AVEN: variants seen among roughly 807,000 people sequenced by gnomAD.
The protein encoded by AVEN is apoptosis and caspase activation inhibitor.
A neutral mutation model predicts 38.1 loss-of-function variants in AVEN; 41 were observed. The ratio of observed to expected loss-of-function variants is 1.08; its 90% CI spans 0.84 to 1.40. The LOEUF is 1.40. Ranked by LOEUF, AVEN falls within the 40% of genes most tolerant of loss-of-function variation. The pLI, the probability that AVEN is intolerant of heterozygous loss-of-function variation, is 0.00. For synonymous variants in AVEN, 206 were observed against 171.8 expected, an observed-to-expected ratio of 1.20 and a Z score of -1.56; for missense variants, 605 against 438.8, an observed-to-expected ratio of 1.38 and a Z score of -3.38.
intron 1 of AVEN, among the ~76,000 whole-genome samples, chr15:34,073,955 A>C (rs1900682622): frequency 7.6e-6 from 1 of 132,280 alleles, no homozygotes; most frequent in East Asian, 2.1e-4. Context: ...AAAAACAATT[A>C]CTGTTTGGAG....
At chr15:34,038,653 C>T in intron 1 of AVEN, 127 bp downstream of exon 1, 1 of 883,318 alleles carries the variant, frequency 1.1e-6, no homozygotes, top group Non-Finnish European at 1.4e-6. Flanking sequence ...CCGTCCCGCG[C>T]AGGCGCCGGC....
At chr15:33,865,200 AAACAATATG>A, downstream of AVEN, 1 of 1,613,584 alleles carries the variant, frequency 6.2e-7, no homozygotes, top group South Asian at 1.1e-5. Context: ...CTGCTTTCGT[AAACAATATG>A]AAGATCAGCT....
At chr15:33,982,032 C>CT (rs112770455) in intron 2 of AVEN, among the ~76,000 whole-genome samples, 20,756 of 144,698 alleles carry the variant, frequency 0.14, 2,343 homozygotes, top group African/African-American at 0.31. Flanking sequence ...TGTATTTTTT[C>CT]TTTTTTTTTT....
At chr15:33,961,298 C>T (rs982908001) in intron 2 of AVEN, among the ~76,000 whole-genome samples, 10 of 152,128 alleles carry the variant, frequency 6.6e-5, no homozygotes, top group Admixed American at 6.5e-4. Context: ...CGTGAGCCAC[C>T]ATGCCCAGCC....
intron 1 of AVEN, among the ~76,000 whole-genome samples, chr15:34,003,465 T>A (rs1000114881): frequency 3.3e-5 from 5 of 152,220 alleles, no homozygotes; most frequent in Non-Finnish European, 5.9e-5. Context: ...CTAAAATTTA[T>A]CCCTATGTAT....
At chr15:33,970,537 C>T (rs1306394080) in intron 2 of AVEN, among the ~76,000 whole-genome samples, 1 of 151,964 alleles carries the variant, frequency 6.6e-6, no homozygotes, top group East Asian at 1.9e-4. Context: ...TGAGAAACAG[C>T]TGAACCCTTA....
At chr15:34,055,915 T>C (rs566655169) in intron 5 of AVEN, among the ~76,000 whole-genome samples, 1 of 152,348 alleles carries the variant, frequency 6.6e-6, no homozygotes, top group African/African-American at 2.4e-5. Context: ...GCATATTAAA[T>C]TTTGAGACAC....
Position 33,896,034 on chromosome 15 carries a change from C to T in AVEN, c.446-20039G>A, listed in dbSNP as rs973083066. On this transcript the variant is annotated intron_variant, in intron 2 of 5. Coordinates refer to ENST00000306730, the MANE Select transcript of AVEN (RefSeq NM_020371.3). Reference sequence around the variant, plus strand: ...GTAGTAGAGAATAATTAACGCCACACGAAACATTGCTCTGGTCTCACCTAA... The same window carrying T: ...GTAGTAGAGAATAATTAACGCCACATGAAACATTGCTCTGGTCTCACCTAA... Among the ~76,000 whole-genome samples, 6 of 152,224 alleles carry T rather than the reference C, an allele frequency of 3.9e-5. No homozygotes were observed. The East Asian group carries it at 7.7e-4, about 20-fold the overall frequency.
chr15:34,047,128 A>G (rs1188136364), intron 5 of AVEN, among the ~76,000 whole-genome samples: 2 of 148,134 alleles, frequency 1.4e-5, no homozygotes, highest in African/African-American at 2.5e-5. Context: ...CCCAGGCTGG[A>G]GTGCAGTGAC....
intron 2 of AVEN, among the ~76,000 whole-genome samples, chr15:33,919,990 C>CTTA (rs1019619001): frequency 1.3e-5 from 2 of 152,116 alleles, no homozygotes; most frequent in African/African-American, 4.8e-5. Flanking sequence ...TTCCTAACCT[C>CTTA]TTATTCCTTC....
intron 2 of AVEN, among the ~76,000 whole-genome samples, chr15:33,983,194 G>GTGTGTGT (rs1311365811): frequency 1.8e-5 from 1 of 55,724 alleles, no homozygotes; most frequent in Non-Finnish European, 2.8e-5. Context: ...GTGTGTGTAT[G>GTGTGTGT]TGTGTGTATA....
chr15:33,908,797 A>G (rs989960024), intron 2 of AVEN, among the ~76,000 whole-genome samples: 2 of 152,214 alleles, frequency 1.3e-5, no homozygotes, highest in African/African-American at 2.4e-5. Flanking sequence ...AAAAAGACAA[A>G]TAATTCAGTT....
intron 2 of AVEN, among the ~76,000 whole-genome samples, chr15:33,900,490 T>C (rs187230697): frequency 1.0e-3 from 153 of 152,172 alleles, no homozygotes; most frequent in African/African-American, 3.3e-3. Flanking sequence ...GTAGTTTTTG[T>C]AGAGACATGG....
Position 33,859,874 on chromosome 15 carries a change from T to C in AVEN, n.2730-780A>G, listed in dbSNP as rs776558745. On this transcript the variant is annotated intron_variant and non_coding_transcript_variant, in intron 11 of 11. Coordinates refer to the AVEN transcript ENST00000675287. ...TAGCAAGAACTAATTTAGCATCTACTATACCTGAGGCTTTGGCTATATATA... is the reference window on the plus strand; with the variant it reads ...TAGCAAGAACTAATTTAGCATCTACCATACCTGAGGCTTTGGCTATATATA... 1.1e-3 allele frequency: 981 copies of C among 915,498 alleles called. 1 individual carries two copies. The highest frequency in any genetic ancestry group is 1.2e-3 in the Non-Finnish European group (769 of 617,610). The allele number at this position is 915,498 out of a possible 1,614,324, so 56.7% of individuals were successfully genotyped here.
At chr15:34,042,396 GTTTTTTT>G (rs35456951), upstream of AVEN, among the ~76,000 whole-genome samples, 4 of 130,388 alleles carry the variant, frequency 3.1e-5, no homozygotes, top group African/African-American at 1.2e-4. Context: ...CATGACCTAA[GTTTTTTT>G]TTTTTTTTTT....
At chr15:34,007,912 T>C (rs747414295) in intron 1 of AVEN, among the ~76,000 whole-genome samples, 19 of 152,196 alleles carry the variant, frequency 1.2e-4, no homozygotes, top group Non-Finnish European at 2.4e-4. Context: ...TTTTCTCCTC[T>C]ATGGGTGTGC....
chr15:34,015,687 TAG>T (rs1375312711), intron 1 of AVEN, among the ~76,000 whole-genome samples: 1 of 152,042 alleles, frequency 6.6e-6, no homozygotes, highest in Non-Finnish European at 1.5e-5. Flanking sequence ...AAAAAGTGGG[TAG>T]AGAGACTCTA....
intron 1 of AVEN, among the ~76,000 whole-genome samples, chr15:34,028,215 CAT>C: frequency 6.6e-6 from 1 of 152,262 alleles, no homozygotes; most frequent in South Asian, 2.1e-4. Context: ...ATTCTATACA[CAT>C]ATGTTCATGT....
intron 2 of AVEN, among the ~76,000 whole-genome samples, chr15:33,888,656 T>C (rs1393884081): frequency 6.6e-6 from 1 of 152,136 alleles, no homozygotes; most frequent in African/African-American, 2.4e-5. Flanking sequence ...AAATTATTGT[T>C]AATGTTTTAT....
Sources: gnomAD v4.1 joint callset for allele counts (sites outside exome capture counted in the v4.1 genomes callset) on GRCh38, gnomAD v4.1.1 for gene constraint, MANE v1.5 for transcripts, NCBI Gene and HGNC (gene_info 2026-07-23, HGNC 2026-07-21) for gene names.